ECPAS: variants seen among roughly 807,000 people sequenced by gnomAD.
ECPAS encodes the protein proteasome adapter and scaffold protein ECM29.
Under a neutral mutation model 255.1 loss-of-function variants are expected in ECPAS, and 70 were observed. That is an observed-to-expected ratio of 0.27 (90% CI 0.23 to 0.33). The LOEUF (loss-of-function observed/expected upper bound fraction) is 0.33, where lower values mean the gene tolerates loss of function less well. Among genes scored for constraint, ECPAS ranks in the 10% least tolerant of loss-of-function variants. ECPAS has a pLI of 1.00. For missense variants in ECPAS, 1,817 were observed against 2,206.4 expected (o/e 0.82, Z 3.54); for synonymous variants, 784 against 775.0 (o/e 1.01, Z -0.19).
At chr9:111,483,371 C>T in intron 1 of ECPAS, 1 of 249,364 alleles carries the variant, frequency 4.0e-6, no homozygotes, top group Non-Finnish European at 6.3e-6. Flanking sequence ...GCCCGGGCTC[C>T]CCAGCTCCCC....
chr9:111,453,330 T>C (rs1391586636), intron 2 of ECPAS, among the ~76,000 whole-genome samples: 1 of 152,030 alleles, frequency 6.6e-6, no homozygotes, highest in Non-Finnish European at 1.5e-5. Context: ...GCAATGACGA[T>C]AGAAGGAACA....
At chr9:111,428,896 C>A (rs1179845281) in intron 9 of ECPAS, among the ~76,000 whole-genome samples, 1 of 152,182 alleles carries the variant, frequency 6.6e-6, no homozygotes, top group Non-Finnish European at 1.5e-5. Context: ...TTCATGTGCA[C>A]AATACTGGCT....
chr9:111,420,100 T>G lies in ECPAS; in HGVS notation c.1476A>C (p.Gln492His). The G allele has an allele frequency of 6.2e-7, 1 of 1,612,600 alleles. No individual in the cohort carries two copies. The change falls in exon 16 of 50, where the codon CAA becomes CAC. Residue 492 changes from glutamine (Q) to histidine (H), a missense_variant. Around this residue, in one of 4 missense-constraint regions of ECPAS, gnomAD observed 573 missense variants for 716.2 expected, o/e 0.80. Coordinates refer to ENST00000684092, the MANE Select transcript of ECPAS (RefSeq NM_001364929.1). ...CCGTACTGGCAAATTTCACAGCCAC[T>G]TGTCGAACTTGAACTTCAGGCTATT... ...YLIKPEVQVR[Q>H]VAVKFASTVF...
rs754136484 is a variant in ECPAS, at chr9:111,451,440, T to C, written c.138A>G (p.Glu46=). 4 of 1,573,504 alleles carry C rather than the reference T, an allele frequency of 2.5e-6. No homozygotes were observed. The highest frequency in any genetic ancestry group is 2.6e-6 in the Non-Finnish European group (3 of 1,158,570). ...PVLLKLSSTQ[E]GVRKKVMELL... is the part of the protein sequence containing the mutation. Reference sequence around the variant, plus strand: ...ACATGCTTACCTTTTTACGTACTCCTTCTTGGGTGCTAGAGAGTTTGAGCA... The same window carrying C: ...ACATGCTTACCTTTTTACGTACTCCCTCTTGGGTGCTAGAGAGTTTGAGCA... Residue 46 remains glutamate, a synonymous_variant, in exon 3 of 50, where the codon GAA becomes GAG. Transcript: ENST00000684092.
intron 24 of ECPAS, 35 bp from the exon 25 acceptor site, chr9:111,397,188 A>C (rs1380457036): frequency 1.2e-6 from 2 of 1,607,628 alleles, no homozygotes; most frequent in East Asian, 4.5e-5. Context: ...TGAATGAGAA[A>C]ACACATTTCC....
intron 48 of ECPAS, 76 bp from the exon 49 acceptor site, chr9:111,363,735 A>C: frequency 2.7e-6 from 2 of 744,362 alleles, no homozygotes; most frequent in Non-Finnish European, 4.5e-6. Flanking sequence ...GTGTTGCTGA[A>C]AGAAAGATGT....
At chr9:111,444,262 C>T in intron 4 of ECPAS, 116 bp downstream of exon 4, 1 of 599,922 alleles carries the variant, frequency 1.7e-6, no homozygotes, top group Non-Finnish European at 2.9e-6. Flanking sequence ...ACTCATGTTT[C>T]ATTTAGAAGT....
At chr9:111,372,983 G>T (rs1204235660) in intron 41 of ECPAS, among the ~76,000 whole-genome samples, 187 bp downstream of exon 41, 1 of 152,030 alleles carries the variant, frequency 6.6e-6, no homozygotes, top group African/African-American at 2.4e-5. Flanking sequence ...AGTGAGCTGA[G>T]ATAGCACCAC....
At chr9:111,416,810 T>G (rs1207328302) in intron 17 of ECPAS, among the ~76,000 whole-genome samples, 1 of 151,946 alleles carries the variant, frequency 6.6e-6, no homozygotes, top group Non-Finnish European at 1.5e-5. Context: ...AGGTAAAAGG[T>G]AGGAAGGTGT....
chr9:111,418,680 T>C (rs1234435789), intron 16 of ECPAS, among the ~76,000 whole-genome samples: 1 of 152,244 alleles, frequency 6.6e-6, no homozygotes, highest in East Asian at 1.9e-4. Flanking sequence ...GGAAAACTGT[T>C]GAATTAGTTA....
rs1269865810 is a variant in ECPAS, at chr9:111,403,334, A to G, written c.2652+5237T>C. On this transcript the variant is annotated intron_variant, in intron 24 of 49. Transcript: ENST00000684092. Reference sequence around the variant, plus strand: ...GAGATTGCTGCACTCCAGCCTGGACAATGGAGCGAGACTCCATCTCCGAAA... The same window carrying G: ...GAGATTGCTGCACTCCAGCCTGGACGATGGAGCGAGACTCCATCTCCGAAA... Among the ~76,000 whole-genome samples the G allele has an allele frequency of 3.3e-5, 5 of 152,076 alleles. No homozygotes were observed. In the East Asian group the frequency reaches 5.8e-4, roughly 18 times the overall value.
chr9:111,474,106 C>CT (rs2098293172), intron 1 of ECPAS, among the ~76,000 whole-genome samples: 1 of 152,228 alleles, frequency 6.6e-6, no homozygotes, highest in Non-Finnish European at 1.5e-5. Flanking sequence ...AAAACTGTCT[C>CT]TGATTCCAGT....
intron 2 of ECPAS, among the ~76,000 whole-genome samples, chr9:111,458,158 G>C (rs1264614581): frequency 6.6e-6 from 1 of 152,134 alleles, no homozygotes; most frequent in Non-Finnish European, 1.5e-5. Flanking sequence ...CTCTCCGAGA[G>C]TCTAAGATAT....
intron 36 of ECPAS, among the ~76,000 whole-genome samples, chr9:111,377,699 A>C (rs1266534675): frequency 6.6e-6 from 1 of 152,242 alleles, no homozygotes; most frequent in Non-Finnish European, 1.5e-5. Context: ...CTATGACTAA[A>C]AAGGAATTTG....
At chr9:111,425,235 A>G (rs1202780387) in intron 12 of ECPAS, among the ~76,000 whole-genome samples, 183 bp downstream of exon 12, 2 of 152,004 alleles carry the variant, frequency 1.3e-5, no homozygotes, top group Non-Finnish European at 2.9e-5. Flanking sequence ...TTTAACAGTT[A>G]TTTCCCCCCA....
At chr9:111,483,444 C>CCCCGGCA (rs2098309931) in intron 1 of ECPAS, 1 of 920,998 alleles carries the variant, frequency 1.1e-6, no homozygotes, top group Middle Eastern at 5.5e-4. Flanking sequence ...GGCCGCCGGC[C>CCCCGGCA]CCCGGCACCG....
Position 111,363,991 on chromosome 9 carries a change from G to A in ECPAS, c.5309-332C>T, listed in dbSNP as rs146812199. On this transcript the variant is annotated intron_variant, in intron 48 of 49. Transcript: ENST00000684092. Reference sequence around the variant, plus strand: ...AAAATCATCTTCGTATCACGGATAAGAACGATCCTTAGGTCTACATGACCC... The same window carrying A: ...AAAATCATCTTCGTATCACGGATAAAAACGATCCTTAGGTCTACATGACCC... Among the ~76,000 whole-genome samples, 5 of 152,278 alleles carry A rather than the reference G, an allele frequency of 3.3e-5. No homozygotes were observed. In the East Asian group the frequency reaches 9.6e-4, roughly 29 times the overall value.
rs979669914 is a variant in ECPAS, at chr9:111,405,448, T to TA, written c.2652+3122dup. Among the ~76,000 whole-genome samples the TA allele has an allele frequency of 6.0e-5, 9 of 149,426 alleles. 2 individuals carry two copies. Among genetic ancestry groups the TA allele is most frequent in the Non-Finnish European group, 8.8e-5 (6 of 67,900 alleles). The stretch of plus-strand genomic sequence containing the variant: ...TAAGACCTGAATTACAAGACTACTA[T>TA]AAAAAAACACTGGAGAAACACTTCA... On this transcript the variant is annotated intron_variant, in intron 24 of 49. Coordinates refer to ENST00000684092, the MANE Select transcript of ECPAS (RefSeq NM_001364929.1).
At chr9:111,432,323 A>C (rs2098231197) in intron 8 of ECPAS, among the ~76,000 whole-genome samples, 1 of 152,226 alleles carries the variant, frequency 6.6e-6, no homozygotes, top group South Asian at 2.1e-4. Flanking sequence ...GTATAAAAAT[A>C]GCAGTTTTGG....
Sources: allele counts gnomAD v4.1 joint callset (sites outside exome capture counted in the v4.1 genomes callset), GRCh38; gene constraint gnomAD v4.1.1; regional missense constraint gnomAD v4.1.1; transcripts MANE v1.5; gene names NCBI Gene and HGNC (gene_info 2026-07-23, HGNC 2026-07-21).